Variants in SPIC observed in about 807,000 individuals in gnomAD.
The protein encoded by SPIC is Spi-C transcription factor, also known as transcription factor Spi-C.
In SPIC, 9 loss-of-function variants were observed where a neutral mutation model predicts 16.7. That is an observed-to-expected ratio of 0.54 (90% CI 0.33 to 0.94). The LOEUF (loss-of-function observed/expected upper bound fraction) is 0.94. SPIC is among the 40% of genes least tolerant of loss of function. The probability of loss-of-function intolerance (pLI) is 0.03; values close to 1 mark genes in which losing one functional copy is unlikely to be tolerated. For missense variants in SPIC, 241 were observed against 285.8 expected (o/e 0.84, Z 1.13); for synonymous variants, 97 against 102.9 (o/e 0.94, Z 0.35).
At chr12:101,482,272 G>A (rs995629321) in intron 4 of SPIC, among the ~76,000 whole-genome samples, 2 of 150,926 alleles carry the variant, frequency 1.3e-5, no homozygotes, top group Admixed American at 6.6e-5. Context: ...GTCTCTCTAA[G>A]TTGCCCAGGC....
chr12:101,479,684 G>C lies in SPIC; in HGVS notation c.200G>C (p.Arg67Thr). 1 of 1,611,930 alleles carries C rather than the reference G, an allele frequency of 6.2e-7. No homozygotes were observed. Among genetic ancestry groups the C allele is most frequent in the East Asian group, 2.2e-5 (1 of 44,830 alleles). ...ACAGAGGAGCCTGTCTATAATTGGA[G>C]AACGGTAATTGTAAGTATCAGACCA... is the stretch of plus-strand genomic sequence containing the variant. Reference protein sequence around the residue: ...LPTEEPVYNWRTVINSAADFY... With the variant: ...LPTEEPVYNWTTVINSAADFY... Residue 67 changes from arginine (R) to threonine (T), a missense_variant, in exon 4 of 6, where the codon AGA (arginine) becomes ACA (threonine). Transcript: ENST00000551346.
intron 5 of SPIC, among the ~76,000 whole-genome samples, chr12:101,484,362 C>T (rs1366810521): frequency 2.0e-5 from 3 of 151,160 alleles, no homozygotes; most frequent in Non-Finnish European, 4.4e-5. Flanking sequence ...GGTGAAGCTC[C>T]GTCTCTACAA....
At chr12:101,479,303 AGAAAAAAG>A (rs1366251432) in intron 3 of SPIC, among the ~76,000 whole-genome samples, 2 of 34,932 alleles carry the variant, frequency 5.7e-5, no homozygotes, top group African/African-American at 1.7e-4. Context: ...AAAGAAAGAA[AGAAAAAAG>A]AAAGAAAGAA....
At chr12:101,479,114 G>T (rs1182930423) in intron 3 of SPIC, among the ~76,000 whole-genome samples, 2 of 144,296 alleles carry the variant, frequency 1.4e-5, no homozygotes, top group Admixed American at 1.5e-4. Context: ...TCCAGCCTGG[G>T]TAACAGAGCA....
At chr12:101,479,355 G>GAAAGAAAGAAAGAAAGAAAT (rs1243477392) in intron 3 of SPIC, among the ~76,000 whole-genome samples, 1 of 150,978 alleles carries the variant, frequency 6.6e-6, no homozygotes, top group Non-Finnish European at 1.5e-5. Flanking sequence ...AAGAAAGAAA[G>GAAAGAAAGAAAGAAAGAAAT]AAATCATGCG....
chr12:101,479,453 G>T, intron 3 of SPIC, 129 bp from the exon 4 acceptor site: 1 of 631,544 alleles, frequency 1.6e-6, no homozygotes. Context: ...CACCACAGGA[G>T]AAGTGCAAAG....
rs1387471269 is a variant in SPIC, at chr12:101,479,257, G to GAAAGAAA, written c.98-325_98-324insAAAGAAA. On this transcript the variant is annotated intron_variant, in intron 3 of 5. Coordinates refer to ENST00000551346, the MANE Select transcript of SPIC (RefSeq NM_152323.3). ...GAAAGAAAGAAAAAGAAAGAAAGAAGGAAGGAAAGAAAGAAAGAAAGAAAG... is the reference window on the plus strand; with the variant it reads ...GAAAGAAAGAAAAAGAAAGAAAGAAGAAAGAAAGAAGGAAAGAAAGAAAGAAAGAAAG... Among the ~76,000 whole-genome samples, 38 of 87,658 alleles carry GAAAGAAA rather than the reference G, an allele frequency of 4.3e-4. 1 individual carries two copies. Among genetic ancestry groups the GAAAGAAA allele is most frequent in the Admixed American group, 9.6e-4 (8 of 8,292 alleles). The allele number at this position is 87,658 out of a possible 152,430, so 57.5% of individuals were successfully genotyped here. A position where few individuals can be genotyped will look rare whatever the true frequency, so the allele number is the denominator to read the frequency against.
intron 3 of SPIC, among the ~76,000 whole-genome samples, chr12:101,478,863 A>C (rs1873045622): frequency 6.6e-6 from 1 of 152,172 alleles, no homozygotes. Flanking sequence ...TGGGCAGGGC[A>C]TGGTGGCTCA....
Position 101,484,523 on chromosome 12 carries a change from G to A in SPIC, c.319+1623G>A, listed in dbSNP as rs968538130. On this transcript the variant is annotated intron_variant, in intron 5 of 5. Coordinates refer to ENST00000551346, the MANE Select transcript of SPIC (RefSeq NM_152323.3). ...TGCACTCCAGCCTGGGTGACAGAGT[G>A]AGACTCCAACTCAAAAAATAATAAT... Among the ~76,000 whole-genome samples, 3 of 151,706 alleles carry A rather than the reference G, an allele frequency of 2.0e-5. No individual in the cohort carries two copies. The South Asian group carries it at 6.3e-4, about 32-fold the overall frequency.
intron 3 of SPIC, among the ~76,000 whole-genome samples, chr12:101,478,334 T>C (rs545834606): frequency 2.0e-5 from 3 of 152,136 alleles, no homozygotes. Flanking sequence ...CCCGGTGACC[T>C]TTTTTATCTT....
chr12:101,480,095 C>T (rs948732884), intron 4 of SPIC, among the ~76,000 whole-genome samples: 1 of 152,126 alleles, frequency 6.6e-6, no homozygotes, highest in Admixed American at 6.6e-5. Flanking sequence ...GGATTACAGG[C>T]GTGAGCCACT....
At chr12:101,479,176 G>GAAAGAAAGAA (rs1873063814) in intron 3 of SPIC, among the ~76,000 whole-genome samples, 2 of 38,490 alleles carry the variant, frequency 5.2e-5, no homozygotes, top group Admixed American at 3.1e-4. Context: ...GAAAGAAAAA[G>GAAAGAAAGAA]AAAGAAAGAA....
At chr12:101,479,818 C>CATT in intron 4 of SPIC, 124 bp downstream of exon 4, 1 of 363,086 alleles carries the variant, frequency 2.8e-6, no homozygotes, top group Non-Finnish European at 4.8e-6. Context: ...TTTTTTCTTT[C>CATT]TTTTTTTTTT....
intron 4 of SPIC, among the ~76,000 whole-genome samples, chr12:101,480,683 T>G (rs949558498): frequency 7.2e-5 from 11 of 152,218 alleles, no homozygotes; most frequent in Admixed American, 3.9e-4. Context: ...CACAAGACAT[T>G]TTATTTTAAG....
At chr12:101,479,821 T>TTC in intron 4 of SPIC, 127 bp downstream of exon 4, 1 of 489,498 alleles carries the variant, frequency 2.0e-6, no homozygotes, top group Non-Finnish European at 3.3e-6. Context: ...TTTCTTTCTT[T>TTC]TTTTTTTTTT....
At chr12:101,479,475 C>A in intron 3 of SPIC, 107 bp from the exon 4 acceptor site, 2 of 773,998 alleles carry the variant, frequency 2.6e-6, no homozygotes, top group Admixed American at 2.6e-5. Flanking sequence ...GGCAAGAAAA[C>A]ATAGATGAGA....
intron 5 of SPIC, among the ~76,000 whole-genome samples, chr12:101,484,185 T>C (rs1317394245): frequency 1.3e-5 from 2 of 152,060 alleles, no homozygotes; most frequent in Non-Finnish European, 2.9e-5. Flanking sequence ...TATATGCATA[T>C]CCTTTGAAAT....
At chr12:101,482,983 T>C in intron 5 of SPIC, 83 bp downstream of exon 5, 2 of 1,290,278 alleles carry the variant, frequency 1.6e-6, no homozygotes, top group Admixed American at 4.3e-5. Context: ...ATAACTGAGT[T>C]TGGAATTGAA....
intron 3 of SPIC, among the ~76,000 whole-genome samples, chr12:101,478,033 C>CT (rs71091502): frequency 0.025 from 3,379 of 137,590 alleles, 40 homozygotes; most frequent in Non-Finnish European, 0.036. Context: ...TTTCTTTTTT[C>CT]TTTTTTTTTT....
Sources: allele counts gnomAD v4.1 joint callset (sites outside exome capture counted in the v4.1 genomes callset), GRCh38; gene constraint gnomAD v4.1.1; transcripts MANE v1.5; gene names NCBI Gene and HGNC (gene_info 2026-07-23, HGNC 2026-07-21).